Variants in REV3L observed in about 807,000 individuals in gnomAD.
The protein encoded by REV3L is REV3 like, DNA directed polymerase zeta catalytic subunit, also known as DNA polymerase zeta catalytic subunit.
A neutral mutation model predicts 299.4 loss-of-function variants in REV3L; 69 were observed. The ratio of observed to expected loss-of-function variants is 0.23; its 90% CI spans 0.19 to 0.28. The LOEUF (loss-of-function observed/expected upper bound fraction) is 0.28. Among genes scored for constraint, REV3L ranks in the 10% least tolerant of loss-of-function variants. REV3L has a pLI of 1.00. For missense variants in REV3L, 3,128 were observed against 3,693.8 expected, an observed-to-expected ratio of 0.85 and a Z score of 3.97; for synonymous variants, 1,238 against 1,271.4, an observed-to-expected ratio of 0.97 and a Z score of 0.56.
chr6:111,339,172 C>T (rs369393285), intron 21 of REV3L, among the ~76,000 whole-genome samples: 1 of 152,078 alleles, frequency 6.6e-6, no homozygotes, highest in Non-Finnish European at 1.5e-5. Context: ...AAAAGAAAGA[C>T]GTACCAATTA....
At chr6:111,390,905 CA>C (rs1236762227) in intron 5 of REV3L, among the ~76,000 whole-genome samples, 1 of 151,956 alleles carries the variant, frequency 6.6e-6, no homozygotes, top group African/African-American at 2.4e-5. Flanking sequence ...CCCTACTTAA[CA>C]GAATGAAGAG....
At chr6:111,466,305 T>A (rs1466513388) in intron 1 of REV3L, among the ~76,000 whole-genome samples, 1 of 152,124 alleles carries the variant, frequency 6.6e-6, no homozygotes, top group Non-Finnish European at 1.5e-5. Flanking sequence ...AATATACAAA[T>A]TTAAAACAAT....
intron 23 of REV3L, among the ~76,000 whole-genome samples, chr6:111,332,008 T>C (rs1029965915): frequency 1.4e-4 from 22 of 152,172 alleles, no homozygotes; most frequent in African/African-American, 5.3e-4. Context: ...TATCCTAAAA[T>C]TTATGGGTAA....
intron 18 of REV3L, among the ~76,000 whole-genome samples, chr6:111,352,450 G>A (rs1777670826): frequency 6.6e-6 from 1 of 152,168 alleles, no homozygotes. Context: ...GTGGGCAGGG[G>A]AAGGTGAAGT....
At chr6:111,318,848 C>T (rs972895781) in intron 26 of REV3L, among the ~76,000 whole-genome samples, 5 of 151,954 alleles carry the variant, frequency 3.3e-5, no homozygotes, top group Admixed American at 6.6e-5. Flanking sequence ...TGAGCCACCG[C>T]GCCCGGCCGT....
chr6:111,407,337 AG>A (rs1228621781), intron 3 of REV3L, among the ~76,000 whole-genome samples: 3 of 152,216 alleles, frequency 2.0e-5, no homozygotes, highest in Non-Finnish European at 1.5e-5. Flanking sequence ...AAGTCTGTAG[AG>A]GGAACAGAAA....
intron 24 of REV3L, 37 bp downstream of exon 24, chr6:111,331,639 C>G: frequency 1.4e-6 from 2 of 1,422,038 alleles, no homozygotes; most frequent in Non-Finnish European, 2.0e-6. Flanking sequence ...AAAAGTTAAG[C>G]CATAGTTGTT....
chr6:111,434,332 G>A (rs1260678098), intron 1 of REV3L, among the ~76,000 whole-genome samples: 1 of 152,064 alleles, frequency 6.6e-6, no homozygotes, highest in Non-Finnish European at 1.5e-5. Flanking sequence ...AATGATTAAT[G>A]GTCCGGGCGT....
chr6:111,473,776 G>A (rs887397141), intron 1 of REV3L, among the ~76,000 whole-genome samples: 6 of 151,924 alleles, frequency 3.9e-5, no homozygotes, highest in East Asian at 3.9e-4. Context: ...CTCATGTTTC[G>A]GGGGGAGAGG....
rs143564017 is a variant in REV3L, at chr6:111,367,478, C to T, written c.6310G>A (p.Glu2104Lys). 1,121 of 1,606,936 alleles carry T rather than the reference C, an allele frequency of 7.0e-4. No individual in the cohort carries two copies. The highest frequency in any genetic ancestry group is 8.1e-4 in the Non-Finnish European group (950 of 1,175,720). Residue 2104 changes from glutamate to lysine, a missense_variant, in exon 14 of 32, where the codon GAA becomes AAA. Physicochemically the swap from Glu to Lys is moderately conservative, Grantham distance 56 (BLOSUM62 1). This residue lies in a region of REV3L where 2,409 missense variants were observed against 2,611.8 expected (regional missense o/e 0.92). Transcript: ENST00000368802. ...LPPVASASDP[E>K]KDEDDDDNYY... The stretch of plus-strand genomic sequence containing the variant: ...TTATCATCATCATCTTCATCTTTTT[C>T]GGGATCACTTGCAGAGGCAACTGGT...
At position 111,375,524 on chromosome 6, in the gene REV3L, C is replaced by T; in HGVS notation, c.2831G>A (p.Ser944Asn). The change falls in exon 13 of 32, where the codon AGT becomes AAT. Residue 944 changes from serine (S) to asparagine (N), a missense_variant. By Grantham distance (46) the Ser-to-Asn change is conservative. Coordinates refer to ENST00000368802, the MANE Select transcript of REV3L (RefSeq NM_001372078.1). ...SSFVTHNSKI[S>N]LPHPMEIGES... Reference sequence around the variant, plus strand: ...ACCAATTTCCATGGGATGAGGTAGACTAATTTTTGAGTTGTGAGTTACAAA... The same window carrying T: ...ACCAATTTCCATGGGATGAGGTAGATTAATTTTTGAGTTGTGAGTTACAAA... The T allele has an allele frequency of 6.2e-7, 1 of 1,613,120 alleles. No homozygotes were observed. Among genetic ancestry groups the T allele is most frequent in the Non-Finnish European group, 8.5e-7 (1 of 1,179,712 alleles).
intron 4 of REV3L, among the ~76,000 whole-genome samples, chr6:111,394,706 A>ATT (rs35239605): frequency 1.9e-3 from 260 of 139,440 alleles, no homozygotes; most frequent in Middle Eastern, 0.015. Flanking sequence ...CTGTCCTACA[A>ATT]TTTTTTTTTT....
chr6:111,394,056 G>A (rs910460457), intron 4 of REV3L, among the ~76,000 whole-genome samples: 3 of 152,164 alleles, frequency 2.0e-5, no homozygotes, highest in African/African-American at 7.2e-5. Context: ...GGTTGATTCC[G>A]CATCTTGGCT....
chr6:111,360,538 T>G lies in REV3L; in HGVS notation c.6880-1524A>C, dbSNP rs1350868483. 2.7e-5 allele frequency: 4 copies of G among 149,864 alleles called. No individual in the cohort carries two copies. The Admixed American group carries it at 2.7e-4, about 10-fold the overall frequency. 9.3% of individuals were successfully genotyped at this position (149,864 alleles called of 1,614,324 possible). Reference sequence around the variant, plus strand: ...TTGCCCAGGCTGGAATGCCATGGTGTGATCATAGTTCACTGCAGCCCTGAA... The same window carrying G: ...TTGCCCAGGCTGGAATGCCATGGTGGGATCATAGTTCACTGCAGCCCTGAA... On this transcript the variant is annotated intron_variant, in intron 16 of 31. Transcript: ENST00000368802.
At chr6:111,326,605 A>C (rs1328297030) in intron 25 of REV3L, among the ~76,000 whole-genome samples, 1 of 146,144 alleles carries the variant, frequency 6.8e-6, no homozygotes, top group East Asian at 2.0e-4. Context: ...CTGGGTATAT[A>C]CCCCCCCCAA....
chr6:111,303,570 T>C (rs1208327870), intron 31 of REV3L, among the ~76,000 whole-genome samples: 2 of 151,384 alleles, frequency 1.3e-5, no homozygotes, highest in South Asian at 2.1e-4. Context: ...TTTTGCCATG[T>C]TGGCCAGGCT....
intron 1 of REV3L, among the ~76,000 whole-genome samples, chr6:111,438,565 T>G (rs1330011282): frequency 6.7e-6 from 1 of 150,114 alleles, no homozygotes; most frequent in East Asian, 1.9e-4. Context: ...AAGAAAGAAC[T>G]GTTAATGTTA....
chr6:111,329,466 T>A, intron 25 of REV3L, 66 bp downstream of exon 25: 1 of 1,445,794 alleles, frequency 6.9e-7, no homozygotes, highest in Non-Finnish European at 9.7e-7. Flanking sequence ...GGAATACAGG[T>A]GAGTGCCACC....
In REV3L at chr6:111,412,273, T is replaced by A. The variant is rs907421555; in HGVS notation, c.330-719A>T. ...TTAAGCAACATAATCATGTTATGGC[T>A]GAGTTTTTTCTCGGGGTATCAGCTG... On this transcript the variant is annotated intron_variant, in intron 2 of 31. Transcript: ENST00000368802. The A allele has an allele frequency of 1.9e-4, 183 of 984,960 alleles. 1 individual carries two copies. Among genetic ancestry groups the A allele is most frequent in the Non-Finnish European group, 2.2e-4 (180 of 829,818 alleles). 61.0% of individuals were successfully genotyped at this position (984,960 alleles called of 1,614,324 possible).
Sources: gnomAD v4.1 joint callset for allele counts (sites outside exome capture counted in the v4.1 genomes callset) on GRCh38, gnomAD v4.1.1 for gene constraint, gnomAD v4.1.1 regional missense constraint, MANE v1.5 for transcripts, NCBI Gene and HGNC (gene_info 2026-07-23, HGNC 2026-07-21) for gene names.